The following SLFN12L variants were observed in gnomAD, a reference collection of about 807,000 sequenced individuals.
The protein encoded by SLFN12L is schlafen family member 12 like, also known as schlafen family member 12-like.
Under a neutral mutation model 34.8 loss-of-function variants are expected in SLFN12L, and 34 were observed. That is an observed-to-expected ratio of 0.98 (90% CI 0.74 to 1.30). SLFN12L has a LOEUF of 1.30. Among genes scored for constraint, SLFN12L ranks in the 50% most tolerant of loss-of-function variants. The probability of loss-of-function intolerance (pLI) is 0.00; values close to 1 mark genes in which losing one functional copy is unlikely to be tolerated. For missense variants in SLFN12L, 703 were observed against 696.2 expected (o/e 1.01, Z -0.11); for synonymous variants, 259 against 247.5 (o/e 1.05, Z -0.44).
chr17:35,478,151 T>G lies in SLFN12L; in HGVS notation c.1200A>C (p.Ser400=). Residue 400 remains serine (S), a synonymous_variant, in exon 4 of 5, where the codon TCA becomes TCC. Coordinates refer to ENST00000628453, the MANE Select transcript of SLFN12L (RefSeq NM_001363830.2). ...CEELPSPAST[S]SPVSQSYPLR... is the part of the protein sequence containing the mutation. ...GAGGATAACTCTGGGAGACAGGTGA[T>G]GATGTACTTGCTGGAGAGGGCAGTT... 6.5e-7 allele frequency: 1 copy of G among 1,545,524 alleles called. No homozygotes were observed. Among genetic ancestry groups the G allele is most frequent in the East Asian group, 2.4e-5 (1 of 40,824 alleles).
At chr17:35,490,707 A>G in intron 2 of SLFN12L, 1 of 1,293,674 alleles carries the variant, frequency 7.7e-7, no homozygotes, top group Non-Finnish European at 1.1e-6. Flanking sequence ...GTCAAAGGTT[A>G]GCTTACGTTA....
At chr17:35,518,154 G>T (rs949506242) in intron 2 of SLFN12L, among the ~76,000 whole-genome samples, 2 of 152,126 alleles carry the variant, frequency 1.3e-5, no homozygotes. Flanking sequence ...TCTGACAAAG[G>T]TCTAATATCC....
chr17:35,489,119 C>G (rs1914730680), intron 2 of SLFN12L, among the ~76,000 whole-genome samples: 1 of 152,084 alleles, frequency 6.6e-6, no homozygotes, highest in South Asian at 2.1e-4. Context: ...TTCATTTCAT[C>G]TGATTCTCAC....
chr17:35,476,478 GA>G (rs1914017537), intron 4 of SLFN12L, among the ~76,000 whole-genome samples: 2 of 132,656 alleles, frequency 1.5e-5, no homozygotes, highest in African/African-American at 3.1e-5. Flanking sequence ...AGGAAGGAAG[GA>G]AGGAAGGAAG....
intron 1 of SLFN12L, among the ~76,000 whole-genome samples, chr17:35,530,469 A>G (rs1330459277): frequency 8.2e-5 from 5 of 60,958 alleles, no homozygotes; most frequent in African/African-American, 2.4e-4. Context: ...AGAAAGAAAG[A>G]AAGAAAGAAA....
At position 35,479,509 on chromosome 17, in the gene SLFN12L, T is replaced by C; in HGVS notation, c.773A>G (p.Gln258Arg). The change falls in exon 3 of 5, where the codon CAA becomes CGA. Residue 258 changes from glutamine to arginine, a missense_variant. Transcript: ENST00000628453. Reference sequence around the variant, plus strand: ...TTGAGGGAGAATCTCTGTAATTCGTTGTAACAACTTTTCAGTCGAGAAGTT... The same window carrying C: ...TTGAGGGAGAATCTCTGTAATTCGTCGTAACAACTTTTCAGTCGAGAAGTT... The part of the protein sequence containing the change: ...IKNFSTEKLL[Q>R]RITEILPQYV... The C allele has an allele frequency of 6.2e-7, 1 of 1,614,214 alleles. No homozygotes were observed. The highest frequency in any genetic ancestry group is 1.1e-5 in the South Asian group (1 of 91,070).
rs908305961 is a variant in SLFN12L, at chr17:35,465,292, TA to T, written c.*9630del. 6.6e-6 allele frequency among the ~76,000 whole-genome samples: 1 copy of T among 152,162 alleles called. No homozygotes were observed. Among genetic ancestry groups the T allele is most frequent in the African/African-American group, 2.4e-5 (1 of 41,418 alleles). ...CTTATGCCTGAGGTTCCAACAAATT[TA>T]AACATTGTACCCCATATAATTTTAA... On this transcript the variant is annotated 3_prime_UTR_variant, in exon 5 of 5. Transcript: ENST00000628453.
chr17:35,478,212 A>G (rs749773729), intron 3 of SLFN12L, 27 bp from the exon 4 acceptor site: 4 of 1,439,752 alleles, frequency 2.8e-6, no homozygotes, highest in African/African-American at 2.9e-5. Context: ...GAAAACAAAA[A>G]TCACGCTCTT....
rs28859686 is a variant in SLFN12L at position 35,503,014 on chromosome 17, A to G, written c.86+19265T>C. On this transcript the variant is annotated intron_variant, in intron 2 of 4. Coordinates refer to ENST00000628453, the MANE Select transcript of SLFN12L (RefSeq NM_001363830.2). Reference sequence around the variant, plus strand: ...AAAGTTATAAAAAAAAGTGTGTTAGAAAAAGAATTTATGCAAGAAATGTTG... The same window carrying G: ...AAAGTTATAAAAAAAAGTGTGTTAGGAAAAGAATTTATGCAAGAAATGTTG... Among the ~76,000 whole-genome samples the G allele has an allele frequency of 2.1e-3, 316 of 152,346 alleles. 2 individuals are homozygous for G. The highest frequency in any genetic ancestry group is 7.5e-3 in the African/African-American group (311 of 41,586).
chr17:35,498,773 C>T, intron 2 of SLFN12L: 4 of 1,053,788 alleles, frequency 3.8e-6, no homozygotes, highest in Non-Finnish European at 5.7e-6. Flanking sequence ...GCTATACTGC[C>T]CTGTGCAAAA....
Position 35,472,442 on chromosome 17 carries a change from T to G in SLFN12L, c.*2481A>C, listed in dbSNP as rs939306664. Among the ~76,000 whole-genome samples, 1 of 152,352 alleles carries G rather than the reference T, an allele frequency of 6.6e-6. No homozygotes were observed. Among genetic ancestry groups the G allele is most frequent in the Middle Eastern group, 3.4e-3 (1 of 294 alleles). ...AAGTTTGTAGAAGATCAGATGGTTA[T>G]AGATGTGTGGTGTTATTTCTGAGGT... On this transcript the variant is annotated 3_prime_UTR_variant, in exon 5 of 5. Transcript: ENST00000628453.
chr17:35,503,241 A>G (rs996800218), intron 2 of SLFN12L, among the ~76,000 whole-genome samples: 5 of 152,208 alleles, frequency 3.3e-5, no homozygotes. Context: ...TTGTGTGTAA[A>G]TTCTGTGTGT....
rs373050334 is a variant in SLFN12L, at chr17:35,465,415, G to A, written c.*9508C>T. ...TGTACTCAGTGCCTTAAAGTATCTC[G>A]TATTGAACATAGACTCCATGTCACA... On this transcript the variant is annotated 3_prime_UTR_variant, in exon 5 of 5. Transcript: ENST00000628453. 2.6e-5 allele frequency among the ~76,000 whole-genome samples: 4 copies of A among 151,678 alleles called. No homozygotes were observed. The highest frequency in any genetic ancestry group is 3.9e-4 in the East Asian group (2 of 5,172).
At chr17:35,527,752 A>C (rs2072352422) in intron 1 of SLFN12L, among the ~76,000 whole-genome samples, 1 of 152,190 alleles carries the variant, frequency 6.6e-6, no homozygotes, top group South Asian at 2.1e-4. Context: ...TATCATACTG[A>C]ATGGGCAGAA....
intron 2 of SLFN12L, among the ~76,000 whole-genome samples, chr17:35,509,392 C>T (rs751323757): frequency 1.5e-4 from 23 of 152,122 alleles, no homozygotes; most frequent in Non-Finnish European, 1.5e-4. Flanking sequence ...CAGCCTCTGC[C>T]TTTTTTAAGA....
Position 35,522,610 on chromosome 17 carries a change from G to A in SLFN12L, c.-246C>T, listed in dbSNP as rs1219863777. Reference sequence around the variant, plus strand: ...ATAGGACGCAGGGTAATCCATCGGAGACACTGCAGCCTCCAAAGCCTCTGC... The same window carrying A: ...ATAGGACGCAGGGTAATCCATCGGAAACACTGCAGCCTCCAAAGCCTCTGC... On this transcript the variant is annotated 5_prime_UTR_variant, in exon 2 of 5. Transcript: ENST00000628453. 1 of 1,610,842 alleles carries A rather than the reference G, an allele frequency of 6.2e-7. No individual in the cohort carries two copies. The highest frequency in any genetic ancestry group is 2.2e-5 in the East Asian group (1 of 44,894).
At position 35,522,372 on chromosome 17, in the gene SLFN12L, A is replaced by C. The variant is rs768428430; in HGVS notation, c.-8T>G. On this transcript the variant is annotated 5_prime_UTR_variant, in exon 2 of 5. The change abolishes an upstream ATG in the 5' untranslated region. Coordinates refer to ENST00000628453, the MANE Select transcript of SLFN12L (RefSeq NM_001363830.2). Reference sequence around the variant, plus strand: ...ATTCCTGATCTTCTCCATGATCTTCATGGCCATGATGGTCTTTCCTAAGCC... The same window carrying C: ...ATTCCTGATCTTCTCCATGATCTTCCTGGCCATGATGGTCTTTCCTAAGCC... 2 of 1,614,170 alleles carry C rather than the reference A, an allele frequency of 1.2e-6. No homozygotes were observed. The highest frequency in any genetic ancestry group is 1.7e-5 in the Admixed American group (1 of 60,020).
chr17:35,494,380 G>GA (rs778093410), intron 2 of SLFN12L, among the ~76,000 whole-genome samples: 11 of 151,816 alleles, frequency 7.2e-5, no homozygotes, highest in Admixed American at 2.6e-4. Context: ...GATTTTTTAA[G>GA]AAAAAAAGAA....
chr17:35,473,099 A>G lies in SLFN12L; in HGVS notation c.*1824T>C, dbSNP rs1913833885. On this transcript the variant is annotated 3_prime_UTR_variant, in exon 5 of 5. Transcript: ENST00000628453. Reference sequence around the variant, plus strand: ...ATATAAAATCATCTCATCTACAAATAAAGACAATTTGACTTCCTCTCTTCC... The same window carrying G: ...ATATAAAATCATCTCATCTACAAATGAAGACAATTTGACTTCCTCTCTTCC... Among the ~76,000 whole-genome samples the G allele has an allele frequency of 6.6e-6, 1 of 152,214 alleles. No homozygotes were observed. Among genetic ancestry groups the G allele is most frequent in the Non-Finnish European group, 1.5e-5 (1 of 68,026 alleles).
Sources: gnomAD v4.1 joint callset for allele counts (sites outside exome capture counted in the v4.1 genomes callset) on GRCh38, gnomAD v4.1.1 for gene constraint, MANE v1.5 for transcripts, NCBI Gene and HGNC (gene_info 2026-07-23, HGNC 2026-07-21) for gene names.